Variants in BRD8 observed in about 807,000 individuals in gnomAD.
The protein encoded by BRD8 is bromodomain-containing protein 8.
A neutral mutation model predicts 143.1 loss-of-function variants in BRD8; 67 were observed. The ratio of observed to expected loss-of-function variants is 0.47; its 90% CI spans 0.38 to 0.57. BRD8 has a LOEUF of 0.57. Among genes scored for constraint, BRD8 ranks in the 20% least tolerant of loss-of-function variants. The pLI, the probability that BRD8 is intolerant of heterozygous loss-of-function variation, is 0.00. For synonymous variants in BRD8, 505 were observed against 517.1 expected, an observed-to-expected ratio of 0.98 and a Z score of 0.32; for missense variants, 1,103 against 1,503.0, an observed-to-expected ratio of 0.73 and a Z score of 4.40.
Position 138,156,025 on chromosome 5 carries a change from C to T in BRD8, c.2578-3265G>A, listed in dbSNP as rs576224062. 3.9e-5 allele frequency among the ~76,000 whole-genome samples: 6 copies of T among 151,948 alleles called. No individual in the cohort carries two copies. In the East Asian group the frequency reaches 1.2e-3, roughly 29 times the overall value. On this transcript the variant is annotated intron_variant, in intron 20 of 26. Transcript: ENST00000254900. ...GAGTAGCTGGGACTACAGGTGCACA[C>T]CACCATGCTGGGCTAATTTTTTTTT...
In BRD8 at chr5:138,170,691, C is replaced by T. The variant is rs1442973173; in HGVS notation, c.440+141G>A. 4.8e-6 allele frequency: 4 copies of T among 825,668 alleles called. No homozygotes were observed. In the African/African-American group the frequency reaches 5.1e-5, roughly 11 times the overall value. 51.1% of individuals were successfully genotyped at this position (825,668 alleles called of 1,614,324 possible). ...AGGACTCACTCCCCCCTCCCAGCCACCAAACCACTTTGCAGCTTTCCCCTT... is the reference window on the plus strand; with the variant it reads ...AGGACTCACTCCCCCCTCCCAGCCATCAAACCACTTTGCAGCTTTCCCCTT... On this transcript the variant is annotated intron_variant, in intron 6 of 26. Transcript: ENST00000254900.
At chr5:138,160,469 T>G (rs1316351860) in intron 18 of BRD8, among the ~76,000 whole-genome samples, 1 of 152,098 alleles carries the variant, frequency 6.6e-6, no homozygotes, top group Non-Finnish European at 1.5e-5. Context: ...TTTAAGTAAT[T>G]TGACAAATCG....
chr5:138,152,587 C>T lies in BRD8; in HGVS notation c.2751G>A (p.Pro917=), dbSNP rs999897147. The change falls in exon 21 of 27, where the codon CCG becomes CCA. Residue 917 remains proline (P), a synonymous_variant. Transcript: ENST00000254900. The part of the protein sequence containing the change: ...PEAEELEESS[P]EREPSELLVG... ...CAAGCAGTTCACTAGGTTCTCTCTC[C>T]GGGCTGCTTTCCTCTAGTTCCTCAG... 22 of 1,614,020 alleles carry T rather than the reference C, an allele frequency of 1.4e-5. No individual in the cohort carries two copies. Among genetic ancestry groups the T allele is most frequent in the African/African-American group, 9.3e-5 (7 of 74,914 alleles).
chr5:138,165,831 G>T lies in BRD8; in HGVS notation c.1275C>A (p.Asp425Glu). The T allele has an allele frequency of 6.2e-7, 1 of 1,611,672 alleles. No individual in the cohort carries two copies. Among genetic ancestry groups the T allele is most frequent in the Non-Finnish European group, 8.5e-7 (1 of 1,178,696 alleles). ...TGGGGCTTCGCTGAATAGTTACCTT[G>T]TCCTCAATGATGGCAATGATGTCTC... ...TVGDIIAIIE[D>E]KVDDHPEVLD... Residue 425 changes from aspartate to glutamate, a missense_variant, in exon 11 of 27, where the codon GAC (aspartate) becomes GAA (glutamate). Asp to Glu is a conservative substitution (Grantham distance 45, BLOSUM62 2). Coordinates refer to ENST00000254900, the MANE Select transcript of BRD8 (RefSeq NM_139199.2).
Position 138,160,050 on chromosome 5 carries a change from T to C in BRD8, c.2532+19A>G. 1 of 1,590,444 alleles carries C rather than the reference T, an allele frequency of 6.3e-7. No homozygotes were observed. The highest frequency in any genetic ancestry group is 8.6e-7 in the Non-Finnish European group (1 of 1,158,584). ...ACTACTGGAACACTGGCACACAGGT[T>C]CCTTCCTGATCGCCTCACCTTCTCT... On this transcript the variant is annotated intron_variant, in intron 19 of 26. Transcript: ENST00000254900.
At chr5:138,171,233 C>G in intron 4 of BRD8, 73 bp from the exon 5 acceptor site, 1 of 1,476,696 alleles carries the variant, frequency 6.8e-7, no homozygotes, top group Non-Finnish European at 9.4e-7. Context: ...CTTGCTTTTA[C>G]CACTTAATCA....
Position 138,171,173 on chromosome 5 carries a change from GAA to G in BRD8, c.237-15_237-14del. On this transcript the variant is annotated splice_polypyrimidine_tract_variant and intron_variant, in intron 4 of 26. Coordinates refer to ENST00000254900, the MANE Select transcript of BRD8 (RefSeq NM_139199.2). Reference sequence around the variant, plus strand: ...ACCTCGTTTCCGTCTGTGGAAAATTGAAAAAAAAAAATTCATATTCAAATAAC... The same window carrying G: ...ACCTCGTTTCCGTCTGTGGAAAATTGAAAAAAAAATTCATATTCAAATAAC... 2 of 1,380,158 alleles carry G rather than the reference GAA, an allele frequency of 1.4e-6. No individual in the cohort carries two copies. The highest frequency in any genetic ancestry group is 2.0e-6 in the Non-Finnish European group (2 of 1,018,828). The allele number at this position is 1,380,158 out of a possible 1,614,324, so 85.5% of individuals were successfully genotyped here.
chr5:138,162,297 C>T (rs1324142711), intron 15 of BRD8, 151 bp from the exon 16 acceptor site: 2 of 619,732 alleles, frequency 3.2e-6, no homozygotes, highest in African/African-American at 3.7e-5. Context: ...CTCCCAGACT[C>T]AATCCTCTCA....
intron 25 of BRD8, among the ~76,000 whole-genome samples, chr5:138,143,065 G>C (rs1435849091): frequency 1.3e-5 from 2 of 152,154 alleles, no homozygotes; most frequent in African/African-American, 4.8e-5. Context: ...TGGGTGAACT[G>C]CATGAGCCCA....
Position 138,177,578 on chromosome 5 carries a change from G to T in BRD8, c.109C>A (p.Gln37Lys). Residue 37 changes from glutamine (Q) to lysine (K), a missense_variant, in exon 2 of 27, where the codon CAA (glutamine) becomes AAA (lysine). This residue lies in a region of BRD8 where 69 missense variants were observed against 121.6 expected (regional missense o/e 0.57). Coordinates refer to ENST00000254900, the MANE Select transcript of BRD8 (RefSeq NM_139199.2). ...ACATCCTAGATACCTTACCAATTTT[G>T]ATCGCCACTTCTCATGACAGAAGAT... ...LASSVMRSGD[Q>K]NWVSVSRAIK... 1 of 1,609,354 alleles carries T rather than the reference G, an allele frequency of 6.2e-7. No individual in the cohort carries two copies. The highest frequency in any genetic ancestry group is 1.1e-5 in the South Asian group (1 of 90,832).
At chr5:138,177,442 C>CA (rs1561624944) in intron 2 of BRD8, 129 bp downstream of exon 2, 1 of 590,214 alleles carries the variant, frequency 1.7e-6, no homozygotes, top group South Asian at 2.1e-5. Context: ...GACTCAGTCT[C>CA]AAAAAAAGAA....
intron 20 of BRD8, among the ~76,000 whole-genome samples, chr5:138,155,397 C>T (rs978794354): frequency 2.7e-5 from 4 of 149,370 alleles, no homozygotes; most frequent in Non-Finnish European, 5.9e-5. Context: ...TGCAGTGAGC[C>T]GAGATTGCGC....
At chr5:138,166,134 C>T in intron 10 of BRD8, 26 bp from the exon 11 acceptor site, 1 of 1,582,556 alleles carries the variant, frequency 6.3e-7, no homozygotes, top group South Asian at 1.1e-5. Flanking sequence ...AGAAAAGCAT[C>T]TCAGAAGCTT....
rs1752350371 is a variant in BRD8, at chr5:138,151,014, A to G, written c.2857-6T>C. On this transcript the variant is annotated splice_region_variant and splice_polypyrimidine_tract_variant and intron_variant, in intron 21 of 26. Coordinates refer to ENST00000254900, the MANE Select transcript of BRD8 (RefSeq NM_139199.2). ...GGCTCCATTAAATAAGCTACCTGCA[A>G]TCAAAGTTTATTATTAGATGCACAG... The G allele has an allele frequency of 2.5e-6, 4 of 1,607,570 alleles. No homozygotes were observed. Among genetic ancestry groups the G allele is most frequent in the Middle Eastern group, 1.7e-4 (1 of 6,000 alleles).
intron 20 of BRD8, chr5:138,157,990 G>T (rs1422454834): frequency 6.6e-6 from 1 of 152,128 alleles, no homozygotes; most frequent in African/African-American, 2.4e-5. Flanking sequence ...TGCTGGGCCA[G>T]GCCATTTTTA....
At chr5:138,177,734 A>T (rs1476110429) in intron 1 of BRD8, 67 bp from the exon 2 acceptor site, 2 of 962,672 alleles carry the variant, frequency 2.1e-6, no homozygotes. Context: ...TAAGCTCCAA[A>T]ATCCCCAAAA....
intron 10 of BRD8, 77 bp downstream of exon 10, chr5:138,166,441 G>A: frequency 1.2e-6 from 1 of 863,374 alleles, no homozygotes; most frequent in Non-Finnish European, 1.8e-6. Flanking sequence ...CTGAATCGGA[G>A]CTGATGCTCT....
At chr5:138,160,387 A>G (rs1280617578) in intron 18 of BRD8, among the ~76,000 whole-genome samples, 1 of 152,216 alleles carries the variant, frequency 6.6e-6, no homozygotes, top group Non-Finnish European at 1.5e-5. Context: ...GCTATAACAT[A>G]GGATCAAAAT....
chr5:138,165,886 G>A lies in BRD8; in HGVS notation c.1220C>T (p.Thr407Ile). ...AGTCTCAAAATCCAGCTCTTCACCTGTGTAAGACACAGCAATATCCATCTT... is the reference window on the plus strand; with the variant it reads ...AGTCTCAAAATCCAGCTCTTCACCTATGTAAGACACAGCAATATCCATCTT... ...AEKMDIAVSY[T>I]GEELDFETVG... Residue 407 changes from threonine to isoleucine, a missense_variant, in exon 11 of 27, where the codon ACA becomes ATA. Around this residue, in one of 7 missense-constraint regions of BRD8, gnomAD observed 53 missense variants for 101.4 expected, o/e 0.52. Transcript: ENST00000254900. 6.2e-7 allele frequency: 1 copy of A among 1,614,188 alleles called. No individual in the cohort carries two copies.
Sources: allele counts gnomAD v4.1 joint callset (sites outside exome capture counted in the v4.1 genomes callset), GRCh38; gene constraint gnomAD v4.1.1; regional missense constraint gnomAD v4.1.1; transcripts MANE v1.5; gene names NCBI Gene and HGNC (gene_info 2026-07-23, HGNC 2026-07-21).